The following PRDM6 variants were observed in gnomAD, a reference collection of about 807,000 sequenced individuals.
PRDM6 encodes putative histone-lysine N-methyltransferase PRDM6.
In PRDM6, 25 loss-of-function variants were observed where a neutral mutation model predicts 60.8. The ratio of observed to expected loss-of-function variants is 0.41; its 90% confidence interval spans 0.30 to 0.57. The LOEUF (loss-of-function observed/expected upper bound fraction) is 0.57, where lower values mean the gene tolerates loss of function less well. Among genes scored for constraint, PRDM6 ranks in the 20% least tolerant of loss-of-function variants. The pLI is 0.27. For synonymous variants in PRDM6, 407 were observed against 357.4 expected, an observed-to-expected ratio of 1.14 and a Z score of -1.57; for missense variants, 839 against 821.3, an observed-to-expected ratio of 1.02 and a Z score of -0.26.
At chr5:123,162,492 T>TATATG (rs1400453011) in intron 5 of PRDM6, among the ~76,000 whole-genome samples, 1 of 152,216 alleles carries the variant, frequency 6.6e-6, no homozygotes, top group Non-Finnish European at 1.5e-5. Flanking sequence ...TCTACCAGGA[T>TATATG]ATATGATATA....
At chr5:123,176,578 G>T (rs1561882278) in intron 6 of PRDM6, among the ~76,000 whole-genome samples, 2 of 152,066 alleles carry the variant, frequency 1.3e-5, no homozygotes, top group South Asian at 2.1e-4. Context: ...GGGCATGGTG[G>T]CACGTGCCTG....
chr5:123,172,142 C>G (rs1432863513), intron 6 of PRDM6, among the ~76,000 whole-genome samples: 1 of 151,988 alleles, frequency 6.6e-6, no homozygotes, highest in Non-Finnish European at 1.5e-5. Context: ...TAATGTACAC[C>G]CAGCTCTTCC....
chr5:123,114,624 T>A (rs529963324), intron 3 of PRDM6, among the ~76,000 whole-genome samples: 1 of 152,196 alleles, frequency 6.6e-6, no homozygotes, highest in Non-Finnish European at 1.5e-5. Context: ...GGTCCTTCAT[T>A]TTTGTATGCT....
In PRDM6 at chr5:123,189,305, A is replaced by G. The variant is rs570128750; in HGVS notation, c.*2104A>G. ...TGTTAAGGTTGAAAGATTTACTCAAACTTTTTGAAAACAACAGTAGGGAAT... is the reference window on the plus strand; with the variant it reads ...TGTTAAGGTTGAAAGATTTACTCAAGCTTTTTGAAAACAACAGTAGGGAAT... On this transcript the variant is annotated 3_prime_UTR_variant, in exon 8 of 8. Transcript: ENST00000407847. 6.6e-6 allele frequency: 1 copy of G among 152,234 alleles called. No homozygotes were observed. The highest frequency in any genetic ancestry group is 2.4e-5 in the African/African-American group (1 of 41,532). 9.4% of individuals were successfully genotyped at this position (152,234 alleles called of 1,614,324 possible).
chr5:123,166,513 C>G (rs979214066), intron 5 of PRDM6, among the ~76,000 whole-genome samples: 1 of 151,960 alleles, frequency 6.6e-6, no homozygotes, highest in Non-Finnish European at 1.5e-5. Context: ...TGGTGACTTA[C>G]GATTATAATG....
intron 3 of PRDM6, among the ~76,000 whole-genome samples, chr5:123,115,710 A>G (rs1296883226): frequency 6.6e-6 from 1 of 152,202 alleles, no homozygotes. Flanking sequence ...ATTTCCCCAT[A>G]TTGAAAATCT....
chr5:123,106,877 A>G (rs1324599566), intron 3 of PRDM6, among the ~76,000 whole-genome samples: 1 of 152,262 alleles, frequency 6.6e-6, no homozygotes. Context: ...TGATCATTCC[A>G]GTGTGGTATA....
intron 6 of PRDM6, among the ~76,000 whole-genome samples, chr5:123,176,236 G>A (rs368862466): frequency 7.9e-5 from 11 of 139,116 alleles, no homozygotes; most frequent in East Asian, 2.4e-4. Flanking sequence ...GAACAGCTCC[G>A]TCATTAGACA....
chr5:123,148,634 C>T (rs527335769), intron 3 of PRDM6, among the ~76,000 whole-genome samples: 7 of 150,772 alleles, frequency 4.6e-5, no homozygotes, highest in African/African-American at 1.2e-4. Context: ...TGACACATTG[C>T]GATAAGCAGA....
chr5:123,168,269 G>C (rs909615251), intron 5 of PRDM6, among the ~76,000 whole-genome samples: 1 of 151,922 alleles, frequency 6.6e-6, no homozygotes, highest in Admixed American at 6.6e-5. Flanking sequence ...TATGTATAAC[G>C]TAAGTATATA....
chr5:123,130,564 G>GT (rs369046537), intron 3 of PRDM6, among the ~76,000 whole-genome samples: 21,562 of 144,726 alleles, frequency 0.15, 1,894 homozygotes, highest in Non-Finnish European at 0.21. Context: ...CATTTATTTA[G>GT]TTTTTTTTTT....
chr5:123,151,807 A>T (rs1440302539), intron 3 of PRDM6, among the ~76,000 whole-genome samples: 1 of 152,084 alleles, frequency 6.6e-6, no homozygotes, highest in African/African-American at 2.4e-5. Flanking sequence ...TGTCCTGGGA[A>T]CTGTCTCAGA....
chr5:123,133,002 A>G (rs1017609382), intron 3 of PRDM6, among the ~76,000 whole-genome samples: 2 of 152,082 alleles, frequency 1.3e-5, no homozygotes, highest in Non-Finnish European at 2.9e-5. Context: ...CTAGCTTGCA[A>G]AATGTACAGT....
chr5:123,129,421 G>A lies in PRDM6; in HGVS notation c.901-26463G>A, dbSNP rs183484323. Among the ~76,000 whole-genome samples, 35 of 152,102 alleles carry A rather than the reference G, an allele frequency of 2.3e-4. 2 individuals carry two copies. The highest frequency in any genetic ancestry group is 6.8e-3 in the Middle Eastern group (2 of 294). ...ATGGAATGTTCTTCCATTTGTTAGC[G>A]TCCTCTTGTATTTTGTTGAGCAGTG... On this transcript the variant is annotated intron_variant, in intron 3 of 7. Transcript: ENST00000407847.
At chr5:123,158,235 G>C (rs953301286) in intron 4 of PRDM6, among the ~76,000 whole-genome samples, 1 of 152,194 alleles carries the variant, frequency 6.6e-6, no homozygotes, top group Non-Finnish European at 1.5e-5. Flanking sequence ...TGTTGCAAGG[G>C]TGAAGTACAA....
chr5:123,113,463 A>G (rs1764362049), intron 3 of PRDM6, among the ~76,000 whole-genome samples: 1 of 152,208 alleles, frequency 6.6e-6, no homozygotes, highest in Non-Finnish European at 1.5e-5. Context: ...ATGACACAAT[A>G]AGGTAAAGAC....
Position 123,123,143 on chromosome 5 carries a change from A to G in PRDM6, c.900+23182A>G, listed in dbSNP as rs111726927. Among the ~76,000 whole-genome samples, 1,379 of 152,304 alleles carry G rather than the reference A, an allele frequency of 9.1e-3. 28 individuals are homozygous for G. The highest frequency in any genetic ancestry group is 0.032 in the African/African-American group (1,311 of 41,552). On this transcript the variant is annotated intron_variant, in intron 3 of 7. Coordinates refer to ENST00000407847, the MANE Select transcript of PRDM6 (RefSeq NM_001136239.4). ...GGTTATATCAGTTTACACTCCCCTG[A>G]TAGGGTGAGAGTATTTGCTTCTCTG...
At chr5:123,095,203 T>G (rs1763929407) in intron 2 of PRDM6, among the ~76,000 whole-genome samples, 1 of 151,952 alleles carries the variant, frequency 6.6e-6, no homozygotes, top group Non-Finnish European at 1.5e-5. Context: ...GCCGGGTGGG[T>G]GGCGGGGTGC....
Position 123,089,307 on chromosome 5 carries a change from G to C in PRDM6, c.-228G>C, listed in dbSNP as rs1580467453. 6.5e-6 allele frequency: 1 copy of C among 152,880 alleles called. No homozygotes were observed. The highest frequency in any genetic ancestry group is 1.5e-5 in the Non-Finnish European group (1 of 68,250). 9.5% of individuals were successfully genotyped at this position (152,880 alleles called of 1,614,324 possible). Reference sequence around the variant, plus strand: ...AAGCGCAGCAGCCCACGGCGGTTGAGTCGGGCGCCCAGGTCCGTCCGCACT... The same window carrying C: ...AAGCGCAGCAGCCCACGGCGGTTGACTCGGGCGCCCAGGTCCGTCCGCACT... On this transcript the variant is annotated 5_prime_UTR_variant, in exon 1 of 8. Transcript: ENST00000407847.
Sources: gnomAD v4.1 joint callset for allele counts (sites outside exome capture counted in the v4.1 genomes callset) on GRCh38, gnomAD v4.1.1 for gene constraint, MANE v1.5 for transcripts, NCBI Gene and HGNC (gene_info 2026-07-23, HGNC 2026-07-21) for gene names.